The following ATP9B variants were observed in gnomAD, a reference collection of about 807,000 sequenced individuals.
The protein encoded by ATP9B is probable phospholipid-transporting ATPase IIB.
In ATP9B, 110 loss-of-function variants were observed where a neutral mutation model predicts 146.1. The ratio of observed to expected loss-of-function variants is 0.75; its 90% CI spans 0.65 to 0.88. The LOEUF is 0.88. Among genes scored for constraint, ATP9B ranks in the 40% least tolerant of loss-of-function variants. ATP9B has a pLI of 0.00. For synonymous variants in ATP9B, 604 were observed against 569.7 expected, an observed-to-expected ratio of 1.06 and a Z score of -0.86; for missense variants, 1,499 against 1,496.4, an observed-to-expected ratio of 1.00 and a Z score of -0.03.
intron 2 of ATP9B, among the ~76,000 whole-genome samples, chr18:79,106,152 A>T (rs1053233101): frequency 6.6e-6 from 1 of 152,226 alleles, no homozygotes; most frequent in Non-Finnish European, 1.5e-5. Flanking sequence ...GGACTTGATG[A>T]TGTAAGGCAA....
chr18:79,233,334 G>A lies in ATP9B; in HGVS notation c.1107+19296G>A, dbSNP rs188427120. 2.2e-3 allele frequency among the ~76,000 whole-genome samples: 333 copies of A among 152,244 alleles called. 3 individuals carry two copies. The highest frequency in any genetic ancestry group is 6.7e-3 in the African/African-American group (279 of 41,548). ...ATGTATAATGGGGATACCTGGAGGA[G>A]AAGAAAGAATAGAGCAGAGTAATTT... On this transcript the variant is annotated intron_variant, in intron 11 of 29. Coordinates refer to ENST00000426216, the MANE Select transcript of ATP9B (RefSeq NM_198531.5).
intron 17 of ATP9B, among the ~76,000 whole-genome samples, chr18:79,334,977 G>T (rs2096814763): frequency 6.6e-6 from 1 of 152,154 alleles, no homozygotes; most frequent in Non-Finnish European, 1.5e-5. Context: ...GCAGGAACAC[G>T]TGCCCTCACG....
At chr18:79,327,641 G>T (rs113553858) in intron 15 of ATP9B, among the ~76,000 whole-genome samples, 32,422 of 44,800 alleles carry the variant, frequency 0.72, 13,876 homozygotes, top group East Asian at 0.92. Flanking sequence ...GCCCTCCCTG[G>T]TTAGCATGCT....
chr18:79,227,262 G>A (rs1346118380), intron 11 of ATP9B, among the ~76,000 whole-genome samples: 1 of 152,038 alleles, frequency 6.6e-6, no homozygotes, highest in South Asian at 2.1e-4. Flanking sequence ...TTGGCTCTGG[G>A]TTCCTTTTAG....
At chr18:79,212,145 G>GA (rs1330874345) in intron 10 of ATP9B, among the ~76,000 whole-genome samples, 2 of 152,246 alleles carry the variant, frequency 1.3e-5, no homozygotes, top group East Asian at 3.9e-4. Context: ...AAAGAGAATG[G>GA]AAAATGTCCC....
At chr18:79,188,093 G>A (rs968127978) in intron 8 of ATP9B, among the ~76,000 whole-genome samples, 2 of 152,048 alleles carry the variant, frequency 1.3e-5, no homozygotes, top group African/African-American at 4.8e-5. Flanking sequence ...AGAATCAACA[G>A]GAAAGAGAAA....
intron 7 of ATP9B, among the ~76,000 whole-genome samples, chr18:79,171,298 T>C (rs926222015): frequency 6.6e-6 from 1 of 152,216 alleles, no homozygotes; most frequent in Admixed American, 6.5e-5. Context: ...CTGTTCATGT[T>C]TGAGAAAGGG....
In ATP9B at chr18:79,350,048, T is replaced by C. The variant is rs2096914287; in HGVS notation, c.2903+1852T>C. ...GTTTGTCAGCGTGAACTTCAGTGCA[T>C]GCGAATTTCAGAGGAGGGCCAGACT... On this transcript the variant is annotated intron_variant, in intron 25 of 29. Coordinates refer to ENST00000426216, the MANE Select transcript of ATP9B (RefSeq NM_198531.5). Among the ~76,000 whole-genome samples the C allele has an allele frequency of 2.6e-5, 4 of 152,162 alleles. 1 individual carries two copies. The South Asian group carries it at 6.2e-4, about 24-fold the overall frequency.
intron 6 of ATP9B, among the ~76,000 whole-genome samples, chr18:79,147,308 C>T (rs147459784): frequency 2.0e-5 from 3 of 152,280 alleles, no homozygotes; most frequent in East Asian, 1.9e-4. Flanking sequence ...ATAGACGCTC[C>T]GCAGTGATGT....
Position 79,329,152 on chromosome 18 carries a change from G to A in ATP9B, c.1785G>A (p.Val595=), listed in dbSNP as rs1419064388. 16 of 1,599,130 alleles carry A rather than the reference G, an allele frequency of 1.0e-5. No individual in the cohort carries two copies. Among genetic ancestry groups the A allele is most frequent in the African/African-American group, 4.0e-5 (3 of 74,192 alleles). The change falls in exon 16 of 30, where the codon GTG becomes GTA. Residue 595 remains valine, a synonymous_variant. Transcript: ENST00000426216. ...QASSPDEVAL[V]QWTESVGLTL... is the part of the protein sequence containing the mutation. ...CTGGTCTCCCGTAGGTCGCTCTGGT[G>A]CAGTGGACAGAGAGTGTGGGCCTCA...
At chr18:79,331,830 G>A (rs1407545213) in intron 17 of ATP9B, among the ~76,000 whole-genome samples, 1 of 152,204 alleles carries the variant, frequency 6.6e-6, no homozygotes, top group Non-Finnish European at 1.5e-5. Context: ...CCGGATAGCT[G>A]GAGGTGTTGA....
intron 7 of ATP9B, among the ~76,000 whole-genome samples, chr18:79,165,000 A>T (rs1037226749): frequency 6.6e-6 from 1 of 152,202 alleles, no homozygotes; most frequent in Non-Finnish European, 1.5e-5. Flanking sequence ...AGCCATGTGA[A>T]GATCTGTTCT....
chr18:79,329,069 T>G, intron 15 of ATP9B, 72 bp from the exon 16 acceptor site: 2 of 1,396,378 alleles, frequency 1.4e-6, no homozygotes, highest in Non-Finnish European at 1.9e-6. Flanking sequence ...TTCTGAGCAC[T>G]GCCGTGCTGG....
At chr18:79,098,624 A>G (rs2075010224) in intron 2 of ATP9B, among the ~76,000 whole-genome samples, 1 of 152,220 alleles carries the variant, frequency 6.6e-6, no homozygotes, top group Non-Finnish European at 1.5e-5. Context: ...CAAAAAACAC[A>G]TGAAGAAATA....
intron 2 of ATP9B, among the ~76,000 whole-genome samples, chr18:79,100,606 T>A (rs950633015): frequency 6.6e-6 from 1 of 152,206 alleles, no homozygotes; most frequent in African/African-American, 2.4e-5. Flanking sequence ...TTTTTAAAAA[T>A]TTTGAATTTG....
rs144243795 is a variant in ATP9B, at chr18:79,359,328, A to G, written c.2904-26A>G. 1.9e-4 allele frequency: 301 copies of G among 1,557,570 alleles called. 1 individual carries two copies. In the African/African-American group the frequency reaches 3.7e-3, roughly 19 times the overall value. On this transcript the variant is annotated intron_variant, in intron 25 of 29. Transcript: ENST00000426216. Reference sequence around the variant, plus strand: ...TGTGTGGTAGAAGTTTCTCACGCCCATTGCACTCCGCTCTTGGTCTTGCAG... The same window carrying G: ...TGTGTGGTAGAAGTTTCTCACGCCCGTTGCACTCCGCTCTTGGTCTTGCAG...
chr18:79,132,217 G>A (rs1162971982), intron 5 of ATP9B, among the ~76,000 whole-genome samples: 1 of 152,142 alleles, frequency 6.6e-6, no homozygotes, highest in Non-Finnish European at 1.5e-5. Flanking sequence ...ATAATTTTCA[G>A]TATGTTTATT....
chr18:79,336,520 G>A lies in ATP9B; in HGVS notation c.2029-108G>A, dbSNP rs2096827938. The A allele has an allele frequency of 3.2e-6, 3 of 951,124 alleles. No individual in the cohort carries two copies. The Admixed American group carries it at 6.1e-5, about 19-fold the overall frequency. The allele number at this position is 951,124 out of a possible 1,614,324, so 58.9% of individuals were successfully genotyped here. A position where few individuals can be genotyped will look rare whatever the true frequency, so the allele number is the denominator to read the frequency against. On this transcript the variant is annotated intron_variant, in intron 17 of 29. Transcript: ENST00000426216. The stretch of plus-strand genomic sequence containing the variant: ...GCCTTGGTGATGAAGGTGGGCACAG[G>A]ACATGAGGGCAGGGCACCAGCAATC...
intron 7 of ATP9B, among the ~76,000 whole-genome samples, chr18:79,174,415 A>G (rs1276047862): frequency 6.6e-6 from 1 of 152,198 alleles, no homozygotes; most frequent in Non-Finnish European, 1.5e-5. Flanking sequence ...ACCATAAACT[A>G]TTGAACAGGG....
Sources: gnomAD v4.1 joint callset for allele counts (sites outside exome capture counted in the v4.1 genomes callset) on GRCh38, gnomAD v4.1.1 for gene constraint, MANE v1.5 for transcripts, NCBI Gene and HGNC (gene_info 2026-07-23, HGNC 2026-07-21) for gene names.